The following MUC4 variants were observed in gnomAD, a reference collection of about 807,000 sequenced individuals.
MUC4 encodes the protein mucin-4.
A neutral mutation model predicts 257.9 loss-of-function variants in MUC4; 202 were observed. The observed-to-expected ratio is 0.78, with a 90% CI of 0.70 to 0.88. The LOEUF (loss-of-function observed/expected upper bound fraction) is 0.88. Among genes scored for constraint, MUC4 ranks in the 40% least tolerant of loss-of-function variants. The pLI is 0.00. For synonymous variants in MUC4, 2,351 were observed against 2,757.1 expected, an observed-to-expected ratio of 0.85 and a Z score of 4.62; for missense variants, 5,976 against 6,513.7, an observed-to-expected ratio of 0.92 and a Z score of 2.84.
chr3:195,774,934 C>T (rs1186538113), intron 3 of MUC4, among the ~76,000 whole-genome samples: 2 of 151,040 alleles, frequency 1.3e-5, no homozygotes, highest in South Asian at 2.1e-4. Flanking sequence ...AAAAGTCCAG[C>T]GCAATGAAGA....
chr3:195,759,449 A>T (rs979854709), intron 16 of MUC4, among the ~76,000 whole-genome samples, 188 bp from the exon 17 acceptor site: 3 of 152,170 alleles, frequency 2.0e-5, no homozygotes, highest in African/African-American at 7.2e-5. Context: ...CTGCCCACCT[A>T]GCCAAATCTT....
At chr3:195,758,517 C>T (rs891555663) in intron 17 of MUC4, among the ~76,000 whole-genome samples, 10 of 150,968 alleles carry the variant, frequency 6.6e-5, no homozygotes, top group Non-Finnish European at 1.2e-4. Context: ...TTGGTGAATG[C>T]ATAATGACTA....
intron 6 of MUC4, 127 bp downstream of exon 6, chr3:195,770,089 G>C (rs1160126189): frequency 2.0e-6 from 2 of 1,011,806 alleles, no homozygotes; most frequent in East Asian, 5.9e-5. Context: ...GTGGCGGTGG[G>C]GGGGCTTGCT....
rs370219190 is a variant in MUC4 at position 195,791,482 on chromosome 3, G to C, written c.98C>G (p.Thr33Arg). The stretch of plus-strand genomic sequence containing the variant: ...AGCAGTTTTACTTCCAGTTATTAAT[G>C]TGTCCTCTGTGGTTCCTGGAGTGAA... ...PHVVPGTTEDTLITGSKTAAP... is the reference protein window; with the variant it reads ...PHVVPGTTEDRLITGSKTAAP... Residue 33 changes from threonine to arginine, a missense_variant, in exon 2 of 25, where the codon ACA becomes AGA. By Grantham distance (71) the Thr-to-Arg change is moderately conservative (BLOSUM62 -1). Transcript: ENST00000463781. The C allele has an allele frequency of 6.2e-7, 1 of 1,613,322 alleles. No individual in the cohort carries two copies. Among genetic ancestry groups the C allele is most frequent in the Non-Finnish European group, 8.5e-7 (1 of 1,179,396 alleles).
At chr3:195,754,930 A>G (rs1717337860) in intron 18 of MUC4, among the ~76,000 whole-genome samples, 3 of 146,476 alleles carry the variant, frequency 2.0e-5, no homozygotes, top group East Asian at 2.0e-4. Flanking sequence ...GTATGCATGT[A>G]TCCATGTATG....
At position 195,747,317 on chromosome 3, in the gene MUC4, G is replaced by C. The variant is rs1216011274; in HGVS notation, c.16098C>G (p.Leu5366=). The C allele has an allele frequency of 9.3e-6, 15 of 1,614,128 alleles. No individual in the cohort carries two copies. The highest frequency in any genetic ancestry group is 1.3e-5 in the Non-Finnish European group (15 of 1,179,932). The part of the protein sequence containing the change: ...GEHCEHLSMK[L]DAFFGIFFGA... ...CAAAGAAGATGCCGAAGAACGCGTC[G>C]AGTTTCATGCTCAGGTGCTCACAGT... Residue 5366 remains leucine (L), a synonymous_variant, in exon 25 of 25, where the codon CTC becomes CTG. Transcript: ENST00000463781.
At chr3:195,795,853 T>G (rs918133802) in intron 1 of MUC4, among the ~76,000 whole-genome samples, 886 of 78,512 alleles carry the variant, frequency 0.011, 1 homozygote, top group African/African-American at 0.052. Flanking sequence ...GGGAGGGGGG[T>G]GGGAGGAGGG....
At chr3:195,765,177 G>A (rs1177633677) in intron 9 of MUC4, 55 bp from the exon 10 acceptor site, 1 of 1,588,806 alleles carries the variant, frequency 6.3e-7, no homozygotes, top group Non-Finnish European at 8.6e-7. Context: ...GGGGCGGGGT[G>A]GGAACAAGCA....
intron 15 of MUC4, 151 bp from the exon 16 acceptor site, chr3:195,761,268 G>A: frequency 2.6e-6 from 2 of 770,532 alleles, no homozygotes; most frequent in Non-Finnish European, 4.3e-6. Context: ...AGAAACACCT[G>A]CTGCAGTGAG....
intron 17 of MUC4, among the ~76,000 whole-genome samples, chr3:195,758,131 T>C (rs1308977998): frequency 1.3e-5 from 2 of 152,280 alleles, no homozygotes; most frequent in Non-Finnish European, 2.9e-5. Context: ...CCCTCAGAAT[T>C]AGTGCTGGCA....
In MUC4 at chr3:195,746,771, A is replaced by G; in HGVS notation, c.*405T>C. The G allele has an allele frequency of 4.2e-6, 1 of 235,508 alleles. No individual in the cohort carries two copies. Among genetic ancestry groups the G allele is most frequent in the Non-Finnish European group, 8.3e-6 (1 of 120,118 alleles). 14.6% of individuals were successfully genotyped at this position (235,508 alleles called of 1,614,324 possible). A position where few individuals can be genotyped will look rare whatever the true frequency, so the allele number is the denominator to read the frequency against. On this transcript the variant is annotated 3_prime_UTR_variant, in exon 25 of 25. Coordinates refer to ENST00000463781, the MANE Select transcript of MUC4 (RefSeq NM_018406.7). ...TCAAGAATGGAATTCCTGGTTTTGG[A>G]GACACAAAAAGTCAGAGAGACTTTA...
rs553536851 is a variant in MUC4, at chr3:195,757,904, G to A, written c.14987-576C>T. On this transcript the variant is annotated intron_variant, in intron 17 of 24. Coordinates refer to ENST00000463781, the MANE Select transcript of MUC4 (RefSeq NM_018406.7). This position sits in a 1 kb window ranked among gnomAD's most constrained non-coding sequence, Gnocchi z 4.8. Reference sequence around the variant, plus strand: ...TGAAAGGAAGTGACAGAGAATAGACGAACGTAATTTCCAGACCATCGTCCT... The same window carrying A: ...TGAAAGGAAGTGACAGAGAATAGACAAACGTAATTTCCAGACCATCGTCCT... 2.0e-5 allele frequency among the ~76,000 whole-genome samples: 3 copies of A among 152,318 alleles called. No individual in the cohort carries two copies. Among genetic ancestry groups the A allele is most frequent in the East Asian group, 1.9e-4 (1 of 5,186 alleles).
intron 1 of MUC4, among the ~76,000 whole-genome samples, chr3:195,805,313 A>C (rs761959082): frequency 2.0e-5 from 3 of 152,040 alleles, no homozygotes; most frequent in Non-Finnish European, 4.4e-5. Flanking sequence ...CACTCTGGTG[A>C]TCGCCACAGA....
chr3:195,766,571 G>T, intron 8 of MUC4, 92 bp downstream of exon 8: 1 of 1,139,928 alleles, frequency 8.8e-7, no homozygotes, highest in Non-Finnish European at 1.3e-6. Context: ...CGTGATGTTA[G>T]GGAGGTGCCC....
chr3:195,749,088 C>T, intron 23 of MUC4, 24 bp from the exon 24 acceptor site: 2 of 1,607,012 alleles, frequency 1.2e-6, no homozygotes, highest in Non-Finnish European at 1.7e-6. Flanking sequence ...CACAGATTAA[C>T]ACAGAAAGCA....
In MUC4 at chr3:195,789,808, T is replaced by G. The variant is rs753204620; in HGVS notation, c.1772A>C (p.Lys591Thr). ...TGAAGAAGATGGGGATGTGGCCGTT[T>G]TTATCATCTGAGTCACACTGTAGCT... is the stretch of plus-strand genomic sequence containing the variant. ...SPSYSVTQMI[K>T]TATSPSSSPM... Residue 591 changes from lysine (K) to threonine (T), a missense_variant, in exon 2 of 25, where the codon AAA (lysine) becomes ACA (threonine). Coordinates refer to ENST00000463781, the MANE Select transcript of MUC4 (RefSeq NM_018406.7). The G allele has an allele frequency of 5.0e-6, 8 of 1,613,886 alleles. No homozygotes were observed. In the Admixed American group the frequency reaches 6.7e-5, roughly 13 times the overall value.
rs747831306 is a variant in MUC4, at chr3:195,790,937, T to A, written c.643A>T (p.Thr215Ser). Residue 215 changes from threonine to serine, a missense_variant, in exon 2 of 25, where the codon ACA becomes TCA. Physicochemically the swap from Thr to Ser is moderately conservative, Grantham distance 58. This residue lies in a region of MUC4 where 1,583 missense variants were observed against 1,257.4 expected (regional missense o/e 1.26). Transcript: ENST00000463781. ...GAAGGAGTTGAAGTGGTTCTGTGTGTTAGGGTGCTGGTTTGAGATTCCCTG... is the reference window on the plus strand; with the variant it reads ...GAAGGAGTTGAAGTGGTTCTGTGTGATAGGGTGCTGGTTTGAGATTCCCTG... ...TTRESQTSTL[T>S]HRTTSTPSFS... is the part of the protein sequence containing the mutation. 2 of 1,613,910 alleles carry A rather than the reference T, an allele frequency of 1.2e-6. No homozygotes were observed.
At chr3:195,768,645 G>A (rs780442397) in intron 7 of MUC4, among the ~76,000 whole-genome samples, 4 of 152,226 alleles carry the variant, frequency 2.6e-5, no homozygotes, top group African/African-American at 7.2e-5. Context: ...TATCTGCCTC[G>A]TGGGGTGGCT....
intron 1 of MUC4, among the ~76,000 whole-genome samples, chr3:195,795,289 G>A (rs1734431146): frequency 6.6e-6 from 1 of 152,086 alleles, no homozygotes; most frequent in Admixed American, 6.6e-5. Flanking sequence ...TCTTTTCAGA[G>A]CCTGCATCAC....
Sources: gnomAD v4.1 joint callset for allele counts (sites outside exome capture counted in the v4.1 genomes callset) on GRCh38, gnomAD v4.1.1 for gene constraint, gnomAD v4.1.1 regional missense constraint, Gnocchi (gnomAD v3.1) non-coding constraint, MANE v1.5 for transcripts, NCBI Gene and HGNC (gene_info 2026-07-23, HGNC 2026-07-21) for gene names.